Variants in TRPM7 observed in about 807,000 individuals in gnomAD.
The protein encoded by TRPM7 is LTRPC ion channel family member 7.
In TRPM7, 134 loss-of-function variants were observed where a neutral mutation model predicts 229.7. That is an observed-to-expected ratio of 0.58 (90% CI 0.51 to 0.67). The LOEUF (loss-of-function observed/expected upper bound fraction) is 0.67. Ranked by LOEUF, TRPM7 falls within the 30% of genes least tolerant of loss-of-function variation. TRPM7 has a pLI of 0.00. For synonymous variants in TRPM7, 699 were observed against 715.2 expected (o/e 0.98, Z 0.36); for missense variants, 1,901 against 2,210.0 (o/e 0.86, Z 2.80).
chr15:50,588,262 A>G, intron 27 of TRPM7: 1 of 984,428 alleles, frequency 1.0e-6, no homozygotes, highest in Non-Finnish European at 1.2e-6. Context: ...TATTTGAGGT[A>G]AGAAAATTAT....
chr15:50,658,072 T>A (rs560416666), intron 2 of TRPM7, among the ~76,000 whole-genome samples: 1 of 150,394 alleles, frequency 6.6e-6, no homozygotes, highest in African/African-American at 2.4e-5. Flanking sequence ...TGGCGCAATC[T>A]CAGCTCACTG....
At chr15:50,614,403 G>A (rs1292752528) in intron 13 of TRPM7, 140 bp from the exon 14 acceptor site, 10 of 741,938 alleles carry the variant, frequency 1.3e-5, no homozygotes, top group African/African-American at 5.3e-5. Context: ...AGTGGCTCAC[G>A]CCTGTAATCC....
At chr15:50,606,326 C>A (rs1013125282) in intron 20 of TRPM7, among the ~76,000 whole-genome samples, 1 of 151,772 alleles carries the variant, frequency 6.6e-6, no homozygotes, top group South Asian at 2.1e-4. Context: ...TTGCAGTGAG[C>A]TGAGATTGTG....
chr15:50,596,509 TCA>T (rs1488602936), intron 22 of TRPM7, 128 bp from the exon 23 acceptor site: 8 of 758,856 alleles, frequency 1.1e-5, no homozygotes, highest in Non-Finnish European at 1.5e-5. Flanking sequence ...CAAATCTGTT[TCA>T]CAGATTCCAG....
intron 3 of TRPM7, among the ~76,000 whole-genome samples, chr15:50,652,870 G>A (rs1037355926): frequency 6.6e-6 from 1 of 152,036 alleles, no homozygotes; most frequent in East Asian, 1.9e-4. Flanking sequence ...AGCATTACAA[G>A]AAAAGACTAG....
chr15:50,636,700 T>C (rs1199111385), intron 7 of TRPM7, among the ~76,000 whole-genome samples: 1 of 152,216 alleles, frequency 6.6e-6, no homozygotes, highest in Non-Finnish European at 1.5e-5. Flanking sequence ...GGAATACAAT[T>C]TTTAAGACAC....
Position 50,614,035 on chromosome 15 carries a change from T to C in TRPM7, c.1635+88A>G, listed in dbSNP as rs114447708. 1,270 of 1,393,174 alleles carry C rather than the reference T, an allele frequency of 9.1e-4. 11 individuals are homozygous for C. In the African/African-American group the frequency reaches 0.016, roughly 17 times the overall value. 86.3% of individuals were successfully genotyped at this position (1,393,174 alleles called of 1,614,324 possible). A position where few individuals can be genotyped will look rare whatever the true frequency, so the allele number is the denominator to read the frequency against. On this transcript the variant is annotated intron_variant, in intron 14 of 38. Coordinates refer to ENST00000646667, the MANE Select transcript of TRPM7 (RefSeq NM_017672.6). ...GTTCAACTTTATGACAGTGTAACCT[T>C]CTCCGTTCTAATGTTAATTCTTAAC...
intron 38 of TRPM7, among the ~76,000 whole-genome samples, chr15:50,563,826 T>C (rs918048011): frequency 9.9e-5 from 15 of 152,196 alleles, no homozygotes; most frequent in African/African-American, 3.4e-4. Context: ...TCATCAGCTA[T>C]GGTAGTGACA....
chr15:50,659,596 T>C lies in TRPM7; in HGVS notation c.84-1777A>G, dbSNP rs192715354. On this transcript the variant is annotated intron_variant, in intron 2 of 38. Coordinates refer to ENST00000646667, the MANE Select transcript of TRPM7 (RefSeq NM_017672.6). ...CTTTGGATTTCTTTAATACCTTGAGTGCTTTTATTATTTCTATTGCAAAGT... is the reference window on the plus strand; with the variant it reads ...CTTTGGATTTCTTTAATACCTTGAGCGCTTTTATTATTTCTATTGCAAAGT... Among the ~76,000 whole-genome samples the C allele has an allele frequency of 4.1e-3, 618 of 152,358 alleles. 5 individuals carry two copies. Among genetic ancestry groups the C allele is most frequent in the African/African-American group, 0.014 (584 of 41,586 alleles).
chr15:50,671,217 T>A (rs541275308), intron 1 of TRPM7, among the ~76,000 whole-genome samples: 5 of 152,256 alleles, frequency 3.3e-5, no homozygotes, highest in Non-Finnish European at 5.9e-5. Context: ...CCCACCCAAG[T>A]CCCTGATAAC....
chr15:50,671,842 C>T (rs1362818061), intron 1 of TRPM7, among the ~76,000 whole-genome samples: 2 of 151,992 alleles, frequency 1.3e-5, no homozygotes, highest in Non-Finnish European at 2.9e-5. Flanking sequence ...ACATCGCAGC[C>T]ATCATAAGTT....
At chr15:50,633,297 T>G (rs911150186) in intron 8 of TRPM7, among the ~76,000 whole-genome samples, 1 of 152,212 alleles carries the variant, frequency 6.6e-6, no homozygotes, top group African/African-American at 2.4e-5. Context: ...TTATGATGTA[T>G]AAACTAGTAT....
Position 50,605,171 on chromosome 15 carries a change from A to C in TRPM7, c.2710-27T>G, listed in dbSNP as rs372282383. The C allele has an allele frequency of 5.2e-6, 8 of 1,537,928 alleles. No homozygotes were observed. In the African/African-American group the frequency reaches 9.7e-5, roughly 19 times the overall value. Reference sequence around the variant, plus strand: ...TAAAGGTTTAACAACAACAAAAAAAAGTGTAATCAGTTTATTCCTATTAAA... The same window carrying C: ...TAAAGGTTTAACAACAACAAAAAAACGTGTAATCAGTTTATTCCTATTAAA... On this transcript the variant is annotated intron_variant, in intron 20 of 38. Transcript: ENST00000646667.
chr15:50,625,932 T>C (rs566927481), intron 11 of TRPM7, among the ~76,000 whole-genome samples: 1 of 152,128 alleles, frequency 6.6e-6, no homozygotes, highest in South Asian at 2.1e-4. Flanking sequence ...TTAAGATTAT[T>C]TCCTTCTTTC....
chr15:50,562,772 C>CA (rs537634338), intron 38 of TRPM7, among the ~76,000 whole-genome samples: 3,542 of 80,728 alleles, frequency 0.044, 123 homozygotes, highest in African/African-American at 0.12. Flanking sequence ...GATCCTGTCT[C>CA]AAAAAAAAAA....
At chr15:50,677,640 G>A (rs1323882738) in intron 1 of TRPM7, among the ~76,000 whole-genome samples, 3 of 149,936 alleles carry the variant, frequency 2.0e-5, no homozygotes, top group Non-Finnish European at 4.4e-5. Flanking sequence ...TCAGGAGGCT[G>A]AGGCAGAAGA....
rs944096314 is a variant in TRPM7 at position 50,585,990 on chromosome 15, TGA to T, written c.4486+400_4486+401del. On this transcript the variant is annotated intron_variant, in intron 28 of 38. Coordinates refer to ENST00000646667, the MANE Select transcript of TRPM7 (RefSeq NM_017672.6). ...AATAGTGGTAAATGTGGGAACAGAGTGAGAGAGAAAATTTTCAGAGTGTGTGT... is the reference window on the plus strand; with the variant it reads ...AATAGTGGTAAATGTGGGAACAGAGTGAGAGAAAATTTTCAGAGTGTGTGT... Among the ~76,000 whole-genome samples, 7 of 147,414 alleles carry T rather than the reference TGA, an allele frequency of 4.7e-5. No individual in the cohort carries two copies. In the East Asian group the frequency reaches 1.1e-3, roughly 24 times the overall value.
chr15:50,593,820 C>A, intron 24 of TRPM7, 71 bp from the exon 25 acceptor site: 2 of 1,453,240 alleles, frequency 1.4e-6, no homozygotes, highest in Non-Finnish European at 1.9e-6. Flanking sequence ...ATAATTCTTA[C>A]GAATTATTCA....
At chr15:50,638,622 A>G (rs930227679) in intron 6 of TRPM7, among the ~76,000 whole-genome samples, 10 of 152,150 alleles carry the variant, frequency 6.6e-5, no homozygotes, top group African/African-American at 2.4e-4. Context: ...AGACTCAAAA[A>G]CTGACATTAG....
Sources: gnomAD v4.1 joint callset for allele counts (sites outside exome capture counted in the v4.1 genomes callset) on GRCh38, gnomAD v4.1.1 for gene constraint, MANE v1.5 for transcripts, NCBI Gene and HGNC (gene_info 2026-07-23, HGNC 2026-07-21) for gene names.